Variants in PCLO observed in about 807,000 individuals in gnomAD.
PCLO encodes the protein piccolo presynaptic cytomatrix protein, also known as protein piccolo.
Under a neutral mutation model 427.5 loss-of-function variants are expected in PCLO, and 82 were observed. That is an observed-to-expected ratio of 0.19 (90% CI 0.16 to 0.23). The LOEUF is 0.23. PCLO is among the 10% of genes least tolerant of loss of function. The pLI, the probability that PCLO is intolerant of heterozygous loss-of-function variation, is 1.00. For synonymous variants in PCLO, 2,357 were observed against 2,155.4 expected, an observed-to-expected ratio of 1.09 and a Z score of -2.59; for missense variants, 6,239 against 6,115.9, an observed-to-expected ratio of 1.02 and a Z score of -0.67.
chr7:82,850,829 T>G (rs1018742404), intron 10 of PCLO, among the ~76,000 whole-genome samples: 5 of 152,178 alleles, frequency 3.3e-5, no homozygotes, highest in Admixed American at 2.6e-4. Context: ...GATAGTCTAC[T>G]AGAAAACAAT....
chr7:83,095,787 TC>T (rs1562961481), intron 3 of PCLO, among the ~76,000 whole-genome samples: 1 of 152,106 alleles, frequency 6.6e-6, no homozygotes, highest in African/African-American at 2.4e-5. Flanking sequence ...GCTAGAGAAC[TC>T]ATTCTATATG....
At chr7:83,102,995 T>G (rs1048314814) in intron 3 of PCLO, among the ~76,000 whole-genome samples, 2 of 69,640 alleles carry the variant, frequency 2.9e-5, no homozygotes, top group Admixed American at 1.7e-4. Context: ...GGTATGTTTA[T>G]TTCCCTTCCT....
intron 2 of PCLO, among the ~76,000 whole-genome samples, chr7:83,152,929 A>C (rs1248669126): frequency 1.3e-5 from 2 of 152,160 alleles, no homozygotes; most frequent in Non-Finnish European, 2.9e-5. Context: ...AATATCTTCC[A>C]CATAGTAGGT....
intron 3 of PCLO, among the ~76,000 whole-genome samples, chr7:83,094,757 A>G (rs555722186): frequency 6.6e-6 from 1 of 152,220 alleles, no homozygotes; most frequent in African/African-American, 2.4e-5. Context: ...AGTGCTCAAG[A>G]GTGCAACTGC....
At position 82,892,109 on chromosome 7, in the gene PCLO, G is replaced by A. The variant is rs181130312; in HGVS notation, c.13528+10542C>T. 7.4e-3 allele frequency among the ~76,000 whole-genome samples: 1,122 copies of A among 152,074 alleles called. 16 individuals are homozygous for A. The highest frequency in any genetic ancestry group is 0.025 in the African/African-American group (1,048 of 41,498). ...TTCATATGGAACCAAAAAAGAGCCC[G>A]CATAGCCAAGTCAATCCTAAGCCAA... On this transcript the variant is annotated intron_variant, in intron 9 of 24. Coordinates refer to ENST00000333891, the MANE Select transcript of PCLO (RefSeq NM_033026.6).
At chr7:83,090,251 C>G (rs1487184100) in intron 3 of PCLO, among the ~76,000 whole-genome samples, 1 of 152,146 alleles carries the variant, frequency 6.6e-6, no homozygotes, top group African/African-American at 2.4e-5. Flanking sequence ...GCCTATGTAA[C>G]TACCTATGTA....
chr7:83,069,120 T>A (rs1014630419), intron 3 of PCLO, among the ~76,000 whole-genome samples: 2 of 152,128 alleles, frequency 1.3e-5, no homozygotes, highest in Non-Finnish European at 2.9e-5. Flanking sequence ...GAGAAACAAG[T>A]TCTGGAGAAC....
intron 22 of PCLO, among the ~76,000 whole-genome samples, chr7:82,788,560 T>C (rs2129468332): frequency 6.6e-6 from 1 of 152,186 alleles, no homozygotes; most frequent in Admixed American, 6.5e-5. Flanking sequence ...GGTAGCATTC[T>C]GAATTTCTGA....
chr7:83,082,517 A>G (rs973398773), intron 3 of PCLO, among the ~76,000 whole-genome samples: 9 of 151,780 alleles, frequency 5.9e-5, no homozygotes, highest in Non-Finnish European at 1.2e-4. Flanking sequence ...GGAGGTGGAT[A>G]TGAAGAAGGG....
At position 82,951,605 on chromosome 7, in the gene PCLO, G is replaced by T. The variant is rs548739749; in HGVS notation, c.9098-115C>A. 3 of 860,580 alleles carry T rather than the reference G, an allele frequency of 3.5e-6. No individual in the cohort carries two copies. The African/African-American group carries it at 5.1e-5, about 15-fold the overall frequency. The allele number at this position is 860,580 out of a possible 1,614,324, so 53.3% of individuals were successfully genotyped here. On this transcript the variant is annotated intron_variant, in intron 5 of 24. Transcript: ENST00000333891. ...AATGAGACTGCATGCAAATCCACAG[G>T]GTAACCTAATTATATGCGGAATGAA... is the stretch of plus-strand genomic sequence containing the variant.
rs1402214347 is a variant in PCLO, at chr7:83,096,766, TA to T, written c.3300+37483del. On this transcript the variant is annotated intron_variant, in intron 3 of 24. Coordinates refer to ENST00000333891, the MANE Select transcript of PCLO (RefSeq NM_033026.6). ...TATTATATAAATTATATAAATATAT[TA>T]TATATTATATAATATAAATATATAT... 2.8e-4 allele frequency among the ~76,000 whole-genome samples: 35 copies of T among 124,164 alleles called. 2 individuals are homozygous for T. Among genetic ancestry groups the T allele is most frequent in the Non-Finnish European group, 4.3e-4 (27 of 63,186 alleles). 81.5% of individuals were successfully genotyped at this position (124,164 alleles called of 152,430 possible).
At position 82,966,000 on chromosome 7, in the gene PCLO, T is replaced by G. The variant is rs976589500; in HGVS notation, c.3788A>C (p.Asp1263Ala). ...AATTTGTACTTGAGATTTAAGTAAG[T>G]CATGTTTCTGTTCTTCTGGGGCTGA... is the stretch of plus-strand genomic sequence containing the variant. ...KTSAPEEQKHDLLKSQVQIAE... is the reference protein window; with the variant it reads ...KTSAPEEQKHALLKSQVQIAE... Residue 1263 changes from aspartate (D) to alanine (A), a missense_variant, in exon 4 of 25, where the codon GAC becomes GCC. This residue lies in a region of PCLO where 4,677 missense variants were observed against 4,468.4 expected (regional missense o/e 1.05). Coordinates refer to ENST00000333891, the MANE Select transcript of PCLO (RefSeq NM_033026.6). The G allele has an allele frequency of 1.2e-6, 2 of 1,613,758 alleles. No individual in the cohort carries two copies. Among genetic ancestry groups the G allele is most frequent in the Non-Finnish European group, 1.7e-6 (2 of 1,179,836 alleles).
At chr7:82,845,000 G>C (rs1291209855) in intron 13 of PCLO, among the ~76,000 whole-genome samples, 1 of 151,972 alleles carries the variant, frequency 6.6e-6, no homozygotes, top group African/African-American at 2.4e-5. Flanking sequence ...CAACAACAAA[G>C]AGAACCAGAA....
intron 3 of PCLO, among the ~76,000 whole-genome samples, chr7:82,982,743 C>T (rs61528430): frequency 2.1e-4 from 32 of 151,760 alleles, no homozygotes; most frequent in East Asian, 9.7e-4. Flanking sequence ...CTAATATATG[C>T]GTAACATTTT....
intron 1 of PCLO, among the ~76,000 whole-genome samples, chr7:83,160,955 A>G (rs1792421465): frequency 6.6e-6 from 1 of 152,190 alleles, no homozygotes; most frequent in South Asian, 2.1e-4. Flanking sequence ...CATCAAGTAG[A>G]GGAAAACAGT....
chr7:83,060,429 G>A (rs1274518542), intron 3 of PCLO, among the ~76,000 whole-genome samples: 1 of 152,100 alleles, frequency 6.6e-6, no homozygotes, highest in East Asian at 1.9e-4. Context: ...GCTGCCACCA[G>A]ACAAGGGCTA....
intron 3 of PCLO, among the ~76,000 whole-genome samples, chr7:83,124,890 G>C (rs1025482293): frequency 1.3e-5 from 2 of 152,122 alleles, no homozygotes; most frequent in African/African-American, 4.8e-5. Context: ...GAGTGCCTGG[G>C]ATTGCAGGCG....
intron 19 of PCLO, 150 bp from the exon 20 acceptor site, chr7:82,822,839 A>T: frequency 2.9e-6 from 2 of 691,914 alleles, no homozygotes; most frequent in Non-Finnish European, 5.0e-6. Context: ...ATACAGAATG[A>T]TGATTAAACA....
intron 3 of PCLO, among the ~76,000 whole-genome samples, chr7:83,055,588 C>G (rs2116285462): frequency 6.6e-6 from 1 of 152,138 alleles, no homozygotes; most frequent in East Asian, 1.9e-4. Flanking sequence ...GCAAAGCTGT[C>G]AAAGTCAATT....
Sources: allele counts gnomAD v4.1 joint callset (sites outside exome capture counted in the v4.1 genomes callset), GRCh38; gene constraint gnomAD v4.1.1; regional missense constraint gnomAD v4.1.1; transcripts MANE v1.5; gene names NCBI Gene and HGNC (gene_info 2026-07-23, HGNC 2026-07-21).